Variants in ARHGEF16 observed in about 807,000 individuals in gnomAD.
ARHGEF16 encodes the protein Rho guanine exchange factor (GEF) 16.
Under a neutral mutation model 74.1 loss-of-function variants are expected in ARHGEF16, and 59 were observed. The ratio of observed to expected loss-of-function variants is 0.80; its 90% CI spans 0.65 to 0.99. The LOEUF (loss-of-function observed/expected upper bound fraction) is 0.99. Ranked by LOEUF, ARHGEF16 falls within the 50% of genes least tolerant of loss-of-function variation. The pLI, the probability that ARHGEF16 is intolerant of heterozygous loss-of-function variation, is 0.00. For missense variants in ARHGEF16, 948 were observed against 986.6 expected (o/e 0.96, Z 0.52); for synonymous variants, 415 against 412.6 (o/e 1.01, Z -0.07).
chr1:3,474,892 G>A, intron 9 of ARHGEF16, 110 bp downstream of exon 9: 1 of 940,780 alleles, frequency 1.1e-6, no homozygotes, highest in Non-Finnish European at 1.7e-6. Context: ...ACCTTCCAGG[G>A]CAGCGAGTGT....
At chr1:3,478,292 G>A in intron 11 of ARHGEF16, 132 bp from the exon 12 acceptor site, 1 of 1,071,912 alleles carries the variant, frequency 9.3e-7, no homozygotes, top group Non-Finnish European at 1.4e-6. Context: ...GTGGGACGCG[G>A]GAACTCTTGG....
chr1:3,479,732 T>C, intron 13 of ARHGEF16, 80 bp from the exon 14 acceptor site: 2 of 1,520,464 alleles, frequency 1.3e-6, no homozygotes, highest in Non-Finnish European at 1.8e-6. Flanking sequence ...CCCCGGGGGA[T>C]GTGTCTGCTG....
intron 6 of ARHGEF16, chr1:3,471,886 G>A (rs939397812): frequency 9.2e-5 from 89 of 968,104 alleles, no homozygotes; most frequent in South Asian, 1.1e-4. Context: ...GGGCACGTAC[G>A]CATGTCGTGG....
intron 6 of ARHGEF16, chr1:3,471,798 G>A (rs1481494280): frequency 3.3e-5 from 36 of 1,091,126 alleles, no homozygotes; most frequent in Admixed American, 1.6e-4. Flanking sequence ...TGGGGTAAGC[G>A]GCTGGTGGGC....
In ARHGEF16 at chr1:3,478,156, C is replaced by G. The variant is rs944080623; in HGVS notation, c.1625+130C>G. On this transcript the variant is annotated intron_variant, in intron 11 of 14. Coordinates refer to ENST00000378378, the MANE Select transcript of ARHGEF16 (RefSeq NM_014448.4). ...TCAGAGCCGAGGCGCGGCTTCCACT[C>G]GGCACATGCTCTACGTGACACTCGG... 81 of 1,304,204 alleles carry G rather than the reference C, an allele frequency of 6.2e-5. 1 individual carries two copies. In the African/African-American group the frequency reaches 7.2e-4, roughly 12 times the overall value. 80.8% of individuals were successfully genotyped at this position (1,304,204 alleles called of 1,614,324 possible).
At chr1:3,478,238 G>C in intron 11 of ARHGEF16, 186 bp from the exon 12 acceptor site, 1 of 908,528 alleles carries the variant, frequency 1.1e-6, no homozygotes, top group South Asian at 1.7e-5. Flanking sequence ...TGGGTCTGCC[G>C]GTGATAGCCA....
chr1:3,479,962 C>T lies in ARHGEF16; in HGVS notation c.1990+49C>T, dbSNP rs1376132206. The T allele has an allele frequency of 7.7e-6, 12 of 1,565,788 alleles. No homozygotes were observed. In the East Asian group the frequency reaches 1.1e-4, roughly 15 times the overall value. ...AGATGGGTGGGAACGGACAGGCGGG[C>T]GTGAGTCAGCGTCCAGCCTGGCCAG... On this transcript the variant is annotated intron_variant, in intron 14 of 14. Transcript: ENST00000378378.
intron 13 of ARHGEF16, 67 bp downstream of exon 13, chr1:3,479,657 G>C: frequency 6.3e-7 from 1 of 1,581,302 alleles, no homozygotes; most frequent in Non-Finnish European, 8.6e-7. Context: ...CCCCACTGTA[G>C]CCCAAGTGAG....
At chr1:3,476,198 G>T (rs1272111352) in intron 10 of ARHGEF16, 136 bp downstream of exon 10, 1 of 865,940 alleles carries the variant, frequency 1.2e-6, no homozygotes. Context: ...TGGGGGCTGG[G>T]CCTCCTAGGG....
In ARHGEF16 at chr1:3,478,617, G is replaced by T; in HGVS notation, c.1814+5G>T. Reference sequence around the variant, plus strand: ...CCTGCTCTCCTCGGACTCCGCGTAAGTGGGCTCCCGGGAGGGCTGTTCCCA... The same window carrying T: ...CCTGCTCTCCTCGGACTCCGCGTAATTGGGCTCCCGGGAGGGCTGTTCCCA... On this transcript the variant is annotated splice_donor_5th_base_variant and intron_variant, in intron 12 of 14. Transcript: ENST00000378378. 6.2e-7 allele frequency: 1 copy of T among 1,601,308 alleles called. No individual in the cohort carries two copies. Among genetic ancestry groups the T allele is most frequent in the Non-Finnish European group, 8.5e-7 (1 of 1,172,676 alleles).
chr1:3,469,159 T>C (rs1337945775), intron 5 of ARHGEF16, among the ~76,000 whole-genome samples: 1 of 152,058 alleles, frequency 6.6e-6, no homozygotes, highest in Non-Finnish European at 1.5e-5. Context: ...ATCCTCGGAG[T>C]CCAGGGGCTG....
chr1:3,470,298 A>G (rs1185341145), intron 6 of ARHGEF16, among the ~76,000 whole-genome samples: 1 of 146,202 alleles, frequency 6.8e-6, no homozygotes, highest in Non-Finnish European at 1.5e-5. Context: ...ATGCATGGGC[A>G]GGGGTGTCTG....
intron 10 of ARHGEF16, 108 bp from the exon 11 acceptor site, chr1:3,477,767 G>C (rs1639928885): frequency 1.9e-6 from 2 of 1,047,498 alleles, no homozygotes; most frequent in Non-Finnish European, 2.8e-6. Flanking sequence ...GCAGGAGTCA[G>C]TCCCACCTGG....
intron 10 of ARHGEF16, among the ~76,000 whole-genome samples, chr1:3,476,655 C>T (rs988699111): frequency 6.6e-6 from 1 of 152,106 alleles, no homozygotes; most frequent in African/African-American, 2.4e-5. Context: ...CTCTGTTGTC[C>T]TGGGACAGCC....
chr1:3,455,683 T>C (rs1639251476), intron 1 of ARHGEF16, among the ~76,000 whole-genome samples: 1 of 152,054 alleles, frequency 6.6e-6, no homozygotes, highest in South Asian at 2.1e-4. Context: ...GGGGTGCGTG[T>C]GGGCCTGGCT....
At chr1:3,461,004 TG>T (rs989967356) in intron 1 of ARHGEF16, among the ~76,000 whole-genome samples, 1 of 152,156 alleles carries the variant, frequency 6.6e-6, no homozygotes, top group Admixed American at 6.5e-5. Context: ...GTCAGTTGTG[TG>T]GCTGACTGTA....
At chr1:3,472,253 G>A (rs914167165) in intron 6 of ARHGEF16, among the ~76,000 whole-genome samples, 1 of 152,248 alleles carries the variant, frequency 6.6e-6, no homozygotes, top group Non-Finnish European at 1.5e-5. Flanking sequence ...GGTGACCATC[G>A]TGGGTCCAGC....
intron 6 of ARHGEF16, among the ~76,000 whole-genome samples, chr1:3,470,895 T>TGC (rs1639698377): frequency 7.2e-6 from 1 of 139,316 alleles, no homozygotes. Context: ...TGGGTGTGTG[T>TGC]GCCTGGCCAG....
chr1:3,474,595 TG>T, intron 8 of ARHGEF16, 112 bp from the exon 9 acceptor site: 3 of 983,478 alleles, frequency 3.1e-6, no homozygotes, highest in Non-Finnish European at 4.8e-6. Flanking sequence ...AGGAGCCCCC[TG>T]GGGGCAGCTG....
Sources: allele counts gnomAD v4.1 joint callset (sites outside exome capture counted in the v4.1 genomes callset), GRCh38; gene constraint gnomAD v4.1.1; transcripts MANE v1.5; gene names NCBI Gene and HGNC (gene_info 2026-07-23, HGNC 2026-07-21).